Variants in TMTC2 observed in about 807,000 individuals in gnomAD.
TMTC2 encodes the protein protein O-mannosyl-transferase TMTC2.
Under a neutral mutation model 82.4 loss-of-function variants are expected in TMTC2, and 43 were observed. The observed-to-expected ratio is 0.52, with a 90% CI of 0.41 to 0.67. The LOEUF is 0.67. Ranked by LOEUF, TMTC2 falls within the 30% of genes least tolerant of loss-of-function variation. TMTC2 has a pLI of 0.00. For synonymous variants in TMTC2, 408 were observed against 381.9 expected (o/e 1.07, Z -0.80); for missense variants, 919 against 1,012.4 (o/e 0.91, Z 1.25).
At chr12:82,798,199 C>G (rs1878815429) in intron 1 of TMTC2, among the ~76,000 whole-genome samples, 1 of 150,356 alleles carries the variant, frequency 6.7e-6, no homozygotes, top group Non-Finnish European at 1.5e-5. Flanking sequence ...TCGTGATCCA[C>G]CTGCCTCAGC....
intron 1 of TMTC2, among the ~76,000 whole-genome samples, chr12:82,847,470 A>G (rs1870747662): frequency 1.3e-5 from 2 of 152,192 alleles, no homozygotes; most frequent in South Asian, 4.1e-4. Flanking sequence ...ATTATAAATC[A>G]TGCTGCTATA....
intron 7 of TMTC2, among the ~76,000 whole-genome samples, chr12:82,974,527 A>G (rs1417291507): frequency 1.3e-5 from 2 of 152,214 alleles, no homozygotes; most frequent in African/African-American, 2.4e-5. Flanking sequence ...AGGAAATGAG[A>G]AGATATTCTT....
intron 2 of TMTC2, among the ~76,000 whole-genome samples, chr12:82,888,217 A>AT (rs1296995862): frequency 6.6e-6 from 1 of 152,170 alleles, no homozygotes; most frequent in Admixed American, 6.5e-5. Flanking sequence ...GTATCTGTAA[A>AT]TTTTTTGTTT....
chr12:82,873,888 T>A (rs1353362260), intron 2 of TMTC2, among the ~76,000 whole-genome samples: 1 of 152,206 alleles, frequency 6.6e-6, no homozygotes, highest in Admixed American at 6.5e-5. Context: ...AATTTTTTTA[T>A]CCCTTTAAAT....
rs1869256072 is a variant in TMTC2 at position 82,823,894 on chromosome 12, T to TG, written c.84-33116_84-33115insG. ...GTCCTTGTTGCTGGCCATTATTCTA[T>TG]TTTTTTTTTTTTTTTTTGAGACGGA... is the stretch of plus-strand genomic sequence containing the variant. On this transcript the variant is annotated intron_variant, in intron 1 of 11. Coordinates refer to ENST00000321196, the MANE Select transcript of TMTC2 (RefSeq NM_152588.3). 3.4e-5 allele frequency among the ~76,000 whole-genome samples: 4 copies of TG among 118,766 alleles called. No homozygotes were observed. In the South Asian group the frequency reaches 9.1e-4, roughly 27 times the overall value. The allele number at this position is 118,766 out of a possible 152,430, so 77.9% of individuals were successfully genotyped here. A position where few individuals can be genotyped will look rare whatever the true frequency, so the allele number is the denominator to read the frequency against.
Position 82,955,802 on chromosome 12 carries a change from TA to T in TMTC2, c.1599-9219del, listed in dbSNP as rs374626082. ...TTTCATTGTCTGTTGTTCTAAAAGA[TA>T]AATCATTAGAGGAGAAATCTGAGAA... On this transcript the variant is annotated intron_variant, in intron 4 of 11. Transcript: ENST00000321196. 5.9e-5 allele frequency among the ~76,000 whole-genome samples: 9 copies of T among 152,226 alleles called. No individual in the cohort carries two copies. The East Asian group carries it at 1.5e-3, about 26-fold the overall frequency.
chr12:83,089,890 A>G (rs953652664), intron 11 of TMTC2, among the ~76,000 whole-genome samples: 4 of 152,022 alleles, frequency 2.6e-5, no homozygotes, highest in Admixed American at 6.6e-5. Context: ...GTCCTTCTTC[A>G]CGTGCTCTTT....
At position 82,751,497 on chromosome 12, in the gene TMTC2, C is replaced by T. The variant is rs546046412; in HGVS notation, c.83+63828C>T. Among the ~76,000 whole-genome samples the T allele has an allele frequency of 3.9e-5, 6 of 152,030 alleles. No individual in the cohort carries two copies. In the East Asian group the frequency reaches 9.7e-4, roughly 25 times the overall value. Reference sequence around the variant, plus strand: ...GCACATGTATACATATGTAACAAACCTGCACATGGTGCACATGTATACTAA... The same window carrying T: ...GCACATGTATACATATGTAACAAACTTGCACATGGTGCACATGTATACTAA... On this transcript the variant is annotated intron_variant, in intron 1 of 11. Transcript: ENST00000321196.
chr12:82,784,210 T>C (rs1878054830), intron 1 of TMTC2, among the ~76,000 whole-genome samples: 1 of 152,096 alleles, frequency 6.6e-6, no homozygotes, highest in South Asian at 2.1e-4. Flanking sequence ...ACCCGAATAA[T>C]GTGACAGAAA....
At chr12:83,076,877 C>T (rs1015564486) in intron 11 of TMTC2, among the ~76,000 whole-genome samples, 1 of 152,256 alleles carries the variant, frequency 6.6e-6, no homozygotes, top group East Asian at 1.9e-4. Context: ...TCTATATTTA[C>T]AGATAAATCA....
chr12:82,859,489 G>A (rs1871423730), intron 2 of TMTC2, among the ~76,000 whole-genome samples: 1 of 152,146 alleles, frequency 6.6e-6, no homozygotes, highest in South Asian at 2.1e-4. Context: ...AGTCCTCTAA[G>A]CATATTTTCA....
chr12:82,923,344 A>AT (rs1239954242), intron 3 of TMTC2, among the ~76,000 whole-genome samples: 3 of 151,888 alleles, frequency 2.0e-5, no homozygotes, highest in East Asian at 1.9e-4. Flanking sequence ...TGGATTTCTT[A>AT]TTTTTTTATT....
intron 1 of TMTC2, among the ~76,000 whole-genome samples, chr12:82,837,759 G>A (rs949653096): frequency 5.9e-5 from 9 of 152,138 alleles, no homozygotes; most frequent in Non-Finnish European, 1.2e-4. Context: ...GGACCAAGGG[G>A]AATTGACTAA....
chr12:82,746,978 T>C (rs1004020493), intron 1 of TMTC2, among the ~76,000 whole-genome samples: 2 of 152,220 alleles, frequency 1.3e-5, no homozygotes, highest in African/African-American at 4.8e-5. Context: ...TGGAAGTAGA[T>C]TCTTCCTTAA....
intron 9 of TMTC2, 38 bp downstream of exon 9, chr12:83,030,917 T>A: frequency 6.9e-7 from 1 of 1,448,612 alleles, no homozygotes; most frequent in Admixed American, 1.7e-5. Flanking sequence ...GTCCCCCACA[T>A]TTACTATTAA....
rs888348508 is a variant in TMTC2, at chr12:82,719,239, G to A, written c.83+31570G>A. On this transcript the variant is annotated intron_variant, in intron 1 of 11. Transcript: ENST00000321196. ...CTCCCAAGTAGCTGGGATTGCAGGCGCACACCACCACACCCGGCTAATTTT... is the reference window on the plus strand; with the variant it reads ...CTCCCAAGTAGCTGGGATTGCAGGCACACACCACCACACCCGGCTAATTTT... Among the ~76,000 whole-genome samples, 18 of 150,792 alleles carry A rather than the reference G, an allele frequency of 1.2e-4. 1 individual carries two copies. The highest frequency in any genetic ancestry group is 2.1e-4 in the South Asian group (1 of 4,760).
intron 2 of TMTC2, among the ~76,000 whole-genome samples, chr12:82,867,992 G>A (rs943208379): frequency 3.3e-5 from 5 of 152,060 alleles, no homozygotes; most frequent in Admixed American, 6.6e-5. Context: ...ATAGAAACTC[G>A]GTCATTTTCT....
At chr12:82,992,303 T>A (rs1289236769) in intron 8 of TMTC2, among the ~76,000 whole-genome samples, 1 of 152,208 alleles carries the variant, frequency 6.6e-6, no homozygotes. Flanking sequence ...AAGAGTTACC[T>A]TCATTTTGGA....
chr12:82,882,241 C>T (rs1392902331), intron 2 of TMTC2, among the ~76,000 whole-genome samples: 2 of 151,696 alleles, frequency 1.3e-5, no homozygotes, highest in African/African-American at 2.4e-5. Context: ...CCTCGTGATC[C>T]GCCCGCCTCG....
Sources: gnomAD v4.1 joint callset for allele counts (sites outside exome capture counted in the v4.1 genomes callset) on GRCh38, gnomAD v4.1.1 for gene constraint, MANE v1.5 for transcripts, NCBI Gene and HGNC (gene_info 2026-07-23, HGNC 2026-07-21) for gene names.